The following CPNE9 variants were observed in gnomAD, a reference collection of about 807,000 sequenced individuals.
CPNE9 encodes copine-9.
In CPNE9, 59 loss-of-function variants were observed where a neutral mutation model predicts 83.0. The ratio of observed to expected loss-of-function variants is 0.71; its 90% CI spans 0.58 to 0.88. The LOEUF (loss-of-function observed/expected upper bound fraction) is 0.88, where lower values mean the gene tolerates loss of function less well. Among genes scored for constraint, CPNE9 ranks in the 40% least tolerant of loss-of-function variants. The pLI, the probability that CPNE9 is intolerant of heterozygous loss-of-function variation, is 0.00. For synonymous variants in CPNE9, 256 were observed against 273.4 expected (o/e 0.94, Z 0.63); for missense variants, 619 against 720.8 (o/e 0.86, Z 1.62).
chr3:9,705,953 G>A (rs1163604540), intron 6 of CPNE9, 34 bp from the exon 7 acceptor site: 8 of 1,606,324 alleles, frequency 5.0e-6, no homozygotes, highest in Non-Finnish European at 6.8e-6. Context: ...GCACTCAAGA[G>A]CTTCTGGTCT....
chr3:9,722,391 C>T (rs1213401881), intron 17 of CPNE9, among the ~76,000 whole-genome samples: 4 of 152,202 alleles, frequency 2.6e-5, no homozygotes, highest in Non-Finnish European at 5.9e-5. Flanking sequence ...TGGCCACTCA[C>T]CCATTTTCTC....
chr3:9,706,370 G>A (rs747075868), intron 7 of CPNE9, among the ~76,000 whole-genome samples: 8 of 151,518 alleles, frequency 5.3e-5, no homozygotes, highest in Non-Finnish European at 1.0e-4. Context: ...TCTCCACAGG[G>A]AAGCTCCCCC....
At chr3:9,727,044 C>T in intron 19 of CPNE9, 69 bp from the exon 20 acceptor site, 1 of 1,551,736 alleles carries the variant, frequency 6.4e-7, no homozygotes, top group Non-Finnish European at 8.9e-7. Flanking sequence ...AAGGGGAGCT[C>T]AAAGGGAGGG....
At chr3:9,706,259 CTTTTCT>C (rs1425389032) in intron 7 of CPNE9, among the ~76,000 whole-genome samples, 196 bp downstream of exon 7, 1 of 150,174 alleles carries the variant, frequency 6.7e-6, no homozygotes. Flanking sequence ...TATGTCTTTT[CTTTTCT>C]TTTTTTTTTT....
rs1399532587 is a variant in CPNE9, at chr3:9,704,270, C to T, written c.68+206C>T. ...CACCCCGAAAAAAGGGCTCAGCCTG[C>T]GGGTTCAGGGGGTGGGTCGCAGATA... On this transcript the variant is annotated intron_variant, in intron 1 of 20. Transcript: ENST00000383832. This position sits in a 1 kb window ranked among gnomAD's most constrained non-coding sequence, Gnocchi z 7.1. Among the ~76,000 whole-genome samples the T allele has an allele frequency of 1.3e-5, 2 of 152,274 alleles. No homozygotes were observed. The highest frequency in any genetic ancestry group is 2.1e-4 in the South Asian group (1 of 4,824).
rs57310594 is a variant in CPNE9 at position 9,707,791 on chromosome 3, C to CAA, written c.377+1744_377+1745dup. Among the ~76,000 whole-genome samples the CAA allele has an allele frequency of 5.9e-3, 292 of 49,632 alleles. 1 individual carries two copies. The highest frequency in any genetic ancestry group is 0.018 in the African/African-American group (209 of 11,860). The allele number at this position is 49,632 out of a possible 152,430, so 32.6% of individuals were successfully genotyped here. Reference sequence around the variant, plus strand: ...TGAGACTGTCTGTGGACAAAAAAGACAAAAAAAAAAAAAAAAACGTGAAGG... The same window carrying CAA: ...TGAGACTGTCTGTGGACAAAAAAGACAAAAAAAAAAAAAAAAAAACGTGAAGG... On this transcript the variant is annotated intron_variant, in intron 7 of 20. Transcript: ENST00000383832.
At chr3:9,711,369 A>AT (rs1409280756) in intron 7 of CPNE9, among the ~76,000 whole-genome samples, 9 of 144,030 alleles carry the variant, frequency 6.2e-5, no homozygotes, top group Admixed American at 2.0e-4. Flanking sequence ...CGCCCAGCTA[A>AT]TTTTTTCTTT....
Position 9,704,220 on chromosome 3 carries a change from A to G in CPNE9, c.68+156A>G, listed in dbSNP as rs1259164493. Among the ~76,000 whole-genome samples the G allele has an allele frequency of 6.6e-6, 1 of 152,136 alleles. No individual in the cohort carries two copies. Among genetic ancestry groups the G allele is most frequent in the Non-Finnish European group, 1.5e-5 (1 of 68,010 alleles). On this transcript the variant is annotated intron_variant, in intron 1 of 20. Transcript: ENST00000383832. The surrounding 1 kb of genome is among the most constrained non-coding windows in gnomAD (Gnocchi z 7.1). ...ACAGGGCGAGTAGCTGGTGGGATCG[A>G]GAAGCGGGGGGTCTTGGGCAGCCCC...
At chr3:9,720,832 G>C (rs1406341803) in intron 17 of CPNE9, among the ~76,000 whole-genome samples, 1 of 152,096 alleles carries the variant, frequency 6.6e-6, no homozygotes, top group Admixed American at 6.5e-5. Flanking sequence ...CATTGAGTGT[G>C]GTGTCCGGAG....
chr3:9,715,002 G>C (rs776754488), intron 11 of CPNE9, 47 bp downstream of exon 11: 25 of 1,554,186 alleles, frequency 1.6e-5, no homozygotes, highest in Non-Finnish European at 2.2e-5. Flanking sequence ...GACCCAAGCA[G>C]TTCTCAATAA....
At position 9,729,708 on chromosome 3, in the gene CPNE9, A is replaced by C; in HGVS notation, c.*16A>C. On this transcript the variant is annotated 3_prime_UTR_variant, in exon 21 of 21. Coordinates refer to ENST00000383832, the MANE Select transcript of CPNE9 (RefSeq NM_153635.3). ...GCAGCCCTGAGGATTCCACATATCC[A>C]ATGCCTCACAGTCTGCAAGCCTGCT... The C allele has an allele frequency of 6.2e-7, 1 of 1,601,748 alleles. No individual in the cohort carries two copies. Among genetic ancestry groups the C allele is most frequent in the African/African-American group, 1.3e-5 (1 of 74,822 alleles).
At chr3:9,712,883 TG>T in intron 9 of CPNE9, 55 bp downstream of exon 9, 1 of 1,574,332 alleles carries the variant, frequency 6.4e-7, no homozygotes, top group Non-Finnish European at 8.7e-7. Context: ...GCTTAACAAG[TG>T]GGGGAATCTC....
At position 9,718,197 on chromosome 3, in the gene CPNE9, AC is replaced by A; in HGVS notation, c.1102del (p.Gln368SerfsTer4). 6.2e-7 allele frequency: 1 copy of A among 1,611,598 alleles called. No homozygotes were observed. Among genetic ancestry groups the A allele is most frequent in the Non-Finnish European group, 8.5e-7 (1 of 1,178,612 alleles). ...CTGCCCCCAGAGGGACGGATCTCCC[AC>A]CAGTTCCCCCTGGTATGGTATTGGC... is the stretch of plus-strand genomic sequence containing the variant. ...AKLPPEGRIS[H>X]QFPLNNNDED... On this transcript the variant is annotated frameshift_variant, in exon 16 of 21. Coordinates refer to ENST00000383832, the MANE Select transcript of CPNE9 (RefSeq NM_153635.3). LOFTEE classifies it high-confidence loss of function.
chr3:9,712,766 G>A lies in CPNE9; in HGVS notation c.483G>A (p.Lys161=). ...AGCTGTGTGCAAACAAGCTGGACAAGAAGGACTTCTTTGGGAAATCAGACC... is the reference window on the plus strand; with the variant it reads ...AGCTGTGTGCAAACAAGCTGGACAAAAAGGACTTCTTTGGGAAATCAGACC... ...TMQLCANKLD[K]KDFFGKSDPF... Residue 161 remains lysine (K), a synonymous_variant, in exon 9 of 21, where the codon AAG becomes AAA. Coordinates refer to ENST00000383832, the MANE Select transcript of CPNE9 (RefSeq NM_153635.3). 1 of 1,614,172 alleles carries A rather than the reference G, an allele frequency of 6.2e-7. No individual in the cohort carries two copies. The highest frequency in any genetic ancestry group is 8.5e-7 in the Non-Finnish European group (1 of 1,180,028).
chr3:9,725,684 A>ATATATATGTATATATATGTG (rs1559646180), intron 17 of CPNE9, among the ~76,000 whole-genome samples: 1 of 59,934 alleles, frequency 1.7e-5, no homozygotes, highest in African/African-American at 7.3e-5. Flanking sequence ...GTGTATATAT[A>ATATATATGTATATATATGTG]TATACATATA....
At chr3:9,724,823 C>G (rs895310312) in intron 17 of CPNE9, among the ~76,000 whole-genome samples, 10 of 151,644 alleles carry the variant, frequency 6.6e-5, no homozygotes, top group Non-Finnish European at 1.3e-4. Flanking sequence ...GTGGTGTGAT[C>G]TCGGCTCACT....
chr3:9,714,799 T>A (rs2076664812), intron 10 of CPNE9, 115 bp from the exon 11 acceptor site: 1 of 907,168 alleles, frequency 1.1e-6, no homozygotes, highest in South Asian at 1.6e-5. Flanking sequence ...GATGAACAAC[T>A]TAATGGGAAG....
Position 9,718,690 on chromosome 3 carries a change from A to G in CPNE9, c.1241+88A>G. 3.4e-6 allele frequency: 5 copies of G among 1,491,070 alleles called. No individual in the cohort carries two copies. The Admixed American group carries it at 9.7e-5, about 29-fold the overall frequency. 92.4% of individuals were successfully genotyped at this position (1,491,070 alleles called of 1,614,324 possible). A position where few individuals can be genotyped will look rare whatever the true frequency, so the allele number is the denominator to read the frequency against. On this transcript the variant is annotated intron_variant, in intron 17 of 20. Transcript: ENST00000383832. ...AGGATAGTCAGGAGCACTCTAAGTA[A>G]TTTAGGATGATTTGAAGTAAACAGG...
chr3:9,705,203 C>T (rs543077562), intron 4 of CPNE9, among the ~76,000 whole-genome samples: 1 of 152,200 alleles, frequency 6.6e-6, no homozygotes, highest in South Asian at 2.1e-4. Context: ...CACAACTCTG[C>T]TCCTATCGCA....
Sources: gnomAD v4.1 joint callset for allele counts (sites outside exome capture counted in the v4.1 genomes callset) on GRCh38, gnomAD v4.1.1 for gene constraint, Gnocchi (gnomAD v3.1) non-coding constraint, MANE v1.5 for transcripts, NCBI Gene and HGNC (gene_info 2026-07-23, HGNC 2026-07-21) for gene names.